GRM7: variants seen among roughly 807,000 people sequenced by gnomAD.
The protein encoded by GRM7 is metabotropic glutamate receptor 7.
GRM7 carries 35 observed loss-of-function variants against 84.5 expected under a neutral mutation model. The ratio of observed to expected loss-of-function variants is 0.41; its 90% confidence interval spans 0.32 to 0.55. The LOEUF is 0.55. GRM7 is among the 20% of genes least tolerant of loss of function. GRM7 has a pLI of 0.19. For synonymous variants in GRM7, 487 were observed against 455.1 expected, an observed-to-expected ratio of 1.07 and a Z score of -0.89; for missense variants, 1,003 against 1,194.6, an observed-to-expected ratio of 0.84 and a Z score of 2.36.
At chr3:7,538,154 G>T (rs958106659) in intron 7 of GRM7, among the ~76,000 whole-genome samples, 3 of 152,154 alleles carry the variant, frequency 2.0e-5, no homozygotes, top group Non-Finnish European at 4.4e-5. Flanking sequence ...TTGTTGCCCA[G>T]GCTGGAGTGC....
At chr3:7,231,519 G>C (rs1378408711) in intron 2 of GRM7, among the ~76,000 whole-genome samples, 1 of 152,086 alleles carries the variant, frequency 6.6e-6, no homozygotes. Context: ...ACCAACAAAT[G>C]CATCTCTGCT....
chr3:7,201,685 A>G (rs1382954529), intron 2 of GRM7, among the ~76,000 whole-genome samples: 1 of 152,214 alleles, frequency 6.6e-6, no homozygotes, highest in East Asian at 1.9e-4. Flanking sequence ...TCCTCAACAC[A>G]TAGATGAGGA....
intron 1 of GRM7, among the ~76,000 whole-genome samples, chr3:6,925,517 A>G (rs780604869): frequency 2.0e-5 from 3 of 152,190 alleles, no homozygotes; most frequent in Non-Finnish European, 4.4e-5. Flanking sequence ...ATACTTAAGA[A>G]GGTTATGTTG....
In GRM7 at chr3:7,597,151, G is replaced by T. The variant is rs572792574; in HGVS notation, c.2451+17794G>T. ...CATGGCAACATTTGCTTCTGGGGAG[G>T]TCTCAGGAAGTTTTCAATCACAGTG... On this transcript the variant is annotated intron_variant, in intron 8 of 9. Transcript: ENST00000357716. Among the ~76,000 whole-genome samples, 7 of 152,210 alleles carry T rather than the reference G, an allele frequency of 4.6e-5. No homozygotes were observed. In the East Asian group the frequency reaches 1.4e-3, roughly 29 times the overall value.
intron 7 of GRM7, among the ~76,000 whole-genome samples, chr3:7,525,052 G>C (rs1423219890): frequency 6.6e-6 from 1 of 151,098 alleles, no homozygotes; most frequent in African/African-American, 2.4e-5. Context: ...ACTCATAGAT[G>C]GGAATTGAAC....
intron 7 of GRM7, among the ~76,000 whole-genome samples, chr3:7,546,382 G>A (rs1575477773): frequency 6.6e-6 from 1 of 152,182 alleles, no homozygotes; most frequent in East Asian, 1.9e-4. Context: ...GAAAACAATT[G>A]TGCTAGTTTC....
chr3:7,582,721 C>T (rs553364260), intron 8 of GRM7, among the ~76,000 whole-genome samples: 2 of 152,060 alleles, frequency 1.3e-5, no homozygotes, highest in Non-Finnish European at 2.9e-5. Flanking sequence ...CACTAAATGA[C>T]CAAATTGGGG....
intron 7 of GRM7, among the ~76,000 whole-genome samples, chr3:7,495,533 C>G (rs901148752): frequency 2.0e-5 from 3 of 152,098 alleles, no homozygotes; most frequent in African/African-American, 7.2e-5. Context: ...CTTGCTACAG[C>G]TGGGTCTCTC....
rs1398503352 is a variant in GRM7 at position 6,863,275 on chromosome 3, C to T, written c.519+1368C>T. Among the ~76,000 whole-genome samples the T allele has an allele frequency of 6.6e-6, 1 of 152,106 alleles. No homozygotes were observed. The highest frequency in any genetic ancestry group is 1.5e-5 in the Non-Finnish European group (1 of 68,028). ...CTCTCCCTGGCTGGTGGTACCCAAA[C>T]CTAGTTAATCTCTTCCGCAGATGTA... On this transcript the variant is annotated intron_variant, in intron 1 of 9. Transcript: ENST00000357716. This position sits in a 1 kb window ranked among gnomAD's most constrained non-coding sequence, Gnocchi z 4.8.
intron 2 of GRM7, among the ~76,000 whole-genome samples, chr3:7,220,094 C>A (rs926138363): frequency 6.6e-6 from 1 of 152,132 alleles, no homozygotes; most frequent in African/African-American, 2.4e-5. Context: ...TAAAGGAAAG[C>A]TAGGCAAATC....
chr3:7,579,205 A>G lies in GRM7; in HGVS notation c.2299A>G (p.Met767Val). 1 of 1,613,976 alleles carries G rather than the reference A, an allele frequency of 6.2e-7. No individual in the cohort carries two copies. The highest frequency in any genetic ancestry group is 8.5e-7 in the Non-Finnish European group (1 of 1,179,886). ...CTCCTTGGGATATAGCATTCTTCTC[A>G]TGGTCACATGTACTGTGTATGCCAT... ...ICSLGYSILL[M>V]VTCTVYAIKT... The change falls in exon 8 of 10, where the codon ATG becomes GTG. Residue 767 changes from methionine to valine, a missense_variant. This residue lies in a region of GRM7 where 910 missense variants were observed against 1,126.0 expected (regional missense o/e 0.81). Transcript: ENST00000357716.
rs9852400 is a variant in GRM7, at chr3:6,900,056, C to G, written c.519+38149C>G. Among the ~76,000 whole-genome samples, 1,082 of 152,090 alleles carry G rather than the reference C, an allele frequency of 7.1e-3. 10 individuals carry two copies. The highest frequency in any genetic ancestry group is 0.025 in the African/African-American group (1,035 of 41,462). ...GATATAACAGCTAATTCAAGAATCCCAAAATAAAGGTGAAAAGTAAGGAAA... is the reference window on the plus strand; with the variant it reads ...GATATAACAGCTAATTCAAGAATCCGAAAATAAAGGTGAAAAGTAAGGAAA... On this transcript the variant is annotated intron_variant, in intron 1 of 9. Coordinates refer to ENST00000357716, the MANE Select transcript of GRM7 (RefSeq NM_000844.4).
At chr3:7,246,433 A>C (rs1021693620) in intron 2 of GRM7, among the ~76,000 whole-genome samples, 1 of 152,182 alleles carries the variant, frequency 6.6e-6, no homozygotes, top group Non-Finnish European at 1.5e-5. Flanking sequence ...TCCTGTGTGC[A>C]TAGGGCTTCT....
intron 9 of GRM7, among the ~76,000 whole-genome samples, chr3:7,705,422 G>C (rs1701354620): frequency 6.6e-6 from 1 of 152,110 alleles, no homozygotes; most frequent in Non-Finnish European, 1.5e-5. Flanking sequence ...AAAAGTGCAG[G>C]ACTATGGATC....
At chr3:7,259,399 A>G (rs1270852396) in intron 2 of GRM7, among the ~76,000 whole-genome samples, 1 of 152,196 alleles carries the variant, frequency 6.6e-6, no homozygotes, top group Non-Finnish European at 1.5e-5. Context: ...AGCCTAGTAC[A>G]CAATAGTTAT....
chr3:7,069,138 C>A (rs1176860694), intron 1 of GRM7, among the ~76,000 whole-genome samples: 1 of 151,648 alleles, frequency 6.6e-6, no homozygotes, highest in East Asian at 1.9e-4. Context: ...AATTAAAGAA[C>A]CCTTAATATT....
chr3:7,232,465 T>G (rs1480535203), intron 2 of GRM7, among the ~76,000 whole-genome samples: 2 of 152,070 alleles, frequency 1.3e-5, no homozygotes, highest in East Asian at 3.9e-4. Context: ...TAGAAAAATC[T>G]AGATGGAAGT....
At chr3:6,890,689 T>C (rs960507613) in intron 1 of GRM7, among the ~76,000 whole-genome samples, 3 of 152,102 alleles carry the variant, frequency 2.0e-5, no homozygotes, top group Non-Finnish European at 2.9e-5. Flanking sequence ...GGTGTGGTGC[T>C]GAAAAAAATG....
chr3:7,011,281 T>A (rs1174567147), intron 1 of GRM7, among the ~76,000 whole-genome samples: 1 of 152,334 alleles, frequency 6.6e-6, no homozygotes, highest in Non-Finnish European at 1.5e-5. Context: ...AATGTAGACA[T>A]AAGTGGAAAC....
Sources: gnomAD v4.1 joint callset for allele counts (sites outside exome capture counted in the v4.1 genomes callset) on GRCh38, gnomAD v4.1.1 for gene constraint, gnomAD v4.1.1 regional missense constraint, Gnocchi (gnomAD v3.1) non-coding constraint, MANE v1.5 for transcripts, NCBI Gene and HGNC (gene_info 2026-07-23, HGNC 2026-07-21) for gene names.